Variants in ARAP2 observed in about 807,000 individuals in gnomAD.
ARAP2 encodes ArfGAP with RhoGAP domain, ankyrin repeat and PH domain 2.
A neutral mutation model predicts 194.5 loss-of-function variants in ARAP2; 148 were observed. The ratio of observed to expected loss-of-function variants is 0.76; its 90% CI spans 0.67 to 0.87. The LOEUF (loss-of-function observed/expected upper bound fraction) is 0.87. Among genes scored for constraint, ARAP2 ranks in the 40% least tolerant of loss-of-function variants. ARAP2 has a pLI of 0.00. For missense variants in ARAP2, 2,128 were observed against 1,989.7 expected (o/e 1.07, Z -1.32); for synonymous variants, 695 against 683.5 (o/e 1.02, Z -0.26).
At chr4:36,031,288 T>A (rs994234325) in intron 5 of ARAP2, among the ~76,000 whole-genome samples, 1 of 152,236 alleles carries the variant, frequency 6.6e-6, no homozygotes, top group African/African-American at 2.4e-5. Context: ...TTTGATAATA[T>A]CTTGTTGTCC....
At chr4:36,007,395 C>A (rs565613860) in intron 9 of ARAP2, among the ~76,000 whole-genome samples, 2 of 151,950 alleles carry the variant, frequency 1.3e-5, no homozygotes, top group African/African-American at 4.8e-5. Context: ...GAAACAGAGA[C>A]GACAGAGAGA....
chr4:36,127,209 C>T (rs1237868338), intron 21 of ARAP2, among the ~76,000 whole-genome samples: 1 of 152,066 alleles, frequency 6.6e-6, no homozygotes, highest in Non-Finnish European at 1.5e-5. Context: ...ATACTCTAAA[C>T]AGCTTCATAC....
In ARAP2 at chr4:36,071,691, T is replaced by A. The variant is rs4833055; in HGVS notation, c.4743+1998A>T. Among the ~76,000 whole-genome samples the A allele has an allele frequency of 0.016, 473 of 28,794 alleles. 3 individuals carry two copies. In the Middle Eastern group the frequency reaches 0.17, roughly 10 times the overall value. The allele number at this position is 28,794 out of a possible 152,430, so 18.9% of individuals were successfully genotyped here. A position where few individuals can be genotyped will look rare whatever the true frequency, so the allele number is the denominator to read the frequency against. Reference sequence around the variant, plus strand: ...CTTAATTTTTTTTTGAGTTTTTTTTTAATTTTTTTTCTTTTTTTTTTATTA... The same window carrying A: ...CTTAATTTTTTTTTGAGTTTTTTTTAAATTTTTTTTCTTTTTTTTTTATTA... On this transcript the variant is annotated intron_variant, in intron 32 of 32. Coordinates refer to ENST00000303965, the MANE Select transcript of ARAP2 (RefSeq NM_015230.4).
At chr4:36,064,737 T>C (rs531929067), downstream of ARAP2, among the ~76,000 whole-genome samples, 109 of 152,298 alleles carry the variant, frequency 7.2e-4, no homozygotes, top group Non-Finnish European at 1.2e-3. Flanking sequence ...CTGAAGTCCA[T>C]GGACCCAGGT....
intron 27 of ARAP2, among the ~76,000 whole-genome samples, chr4:36,104,966 G>A (rs963444766): frequency 2.0e-5 from 3 of 151,970 alleles, no homozygotes; most frequent in African/African-American, 7.2e-5. Flanking sequence ...AGTAGGGATA[G>A]TTCAGGGACA....
chr4:36,137,515 A>G (rs1363434365), intron 19 of ARAP2, among the ~76,000 whole-genome samples: 1 of 151,890 alleles, frequency 6.6e-6, no homozygotes, highest in Non-Finnish European at 1.5e-5. Flanking sequence ...ATGTAATTAG[A>G]AACAAATCAC....
At chr4:36,017,438 A>AAAC in intron 6 of ARAP2, among the ~76,000 whole-genome samples, 1 of 151,766 alleles carries the variant, frequency 6.6e-6, no homozygotes, top group South Asian at 2.1e-4. Flanking sequence ...AAACAGAGAA[A>AAAC]AACACACCAG....
In ARAP2 at chr4:36,210,489, G is replaced by A. The variant is rs1255187141; in HGVS notation, c.1388C>T (p.Ser463Leu). ...LSSTSGNADS[S>L]AVSSQAISPY... The stretch of plus-strand genomic sequence containing the variant: ...AGATATTGCCTGTGAAGAAACGGCT[G>A]ATGAATCAGCATTTCCACTTGTTGA... The change falls in exon 6 of 33, where the codon TCA becomes TTA. Residue 463 changes from serine to leucine, a missense_variant. By Grantham distance (145) the Ser-to-Leu change is moderately radical. Coordinates refer to ENST00000303965, the MANE Select transcript of ARAP2 (RefSeq NM_015230.4). 1.9e-6 allele frequency: 3 copies of A among 1,613,940 alleles called. No homozygotes were observed. Among genetic ancestry groups the A allele is most frequent in the Non-Finnish European group, 2.5e-6 (3 of 1,179,856 alleles).
rs181712511 is a variant in ARAP2, at chr4:36,072,110, T to A, written c.4743+1579A>T. Reference sequence around the variant, plus strand: ...TTTTCATGGTTTATATGAATTTTTTTAAAAAAATTTCTATTATTGCCTTAT... The same window carrying A: ...TTTTCATGGTTTATATGAATTTTTTAAAAAAAATTTCTATTATTGCCTTAT... On this transcript the variant is annotated intron_variant, in intron 32 of 32. Coordinates refer to ENST00000303965, the MANE Select transcript of ARAP2 (RefSeq NM_015230.4). Among the ~76,000 whole-genome samples, 521 of 152,210 alleles carry A rather than the reference T, an allele frequency of 3.4e-3. 9 individuals carry two copies. Among genetic ancestry groups the A allele is most frequent in the African/African-American group, 0.011 (452 of 41,576 alleles).
intron 8 of ARAP2, among the ~76,000 whole-genome samples, chr4:36,178,782 G>C (rs1252622765): frequency 6.6e-6 from 1 of 152,130 alleles, no homozygotes; most frequent in East Asian, 1.9e-4. Flanking sequence ...ATTTGCTGAA[G>C]GTCATATAGC....
intron 20 of ARAP2, among the ~76,000 whole-genome samples, chr4:36,129,284 A>C (rs1460522989): frequency 6.6e-6 from 1 of 151,898 alleles, no homozygotes; most frequent in Non-Finnish European, 1.5e-5. Context: ...TGACAATGAC[A>C]ATAATTCAAA....
chr4:36,198,394 C>T lies in ARAP2; in HGVS notation c.1488-4747G>A, dbSNP rs565149507. Reference sequence around the variant, plus strand: ...TCCTACTGTGGTCTGCAGGACTAGCCGGCCCCTAACCTTTAGGCCCTCCCT... The same window carrying T: ...TCCTACTGTGGTCTGCAGGACTAGCTGGCCCCTAACCTTTAGGCCCTCCCT... On this transcript the variant is annotated intron_variant, in intron 6 of 32. Coordinates refer to ENST00000303965, the MANE Select transcript of ARAP2 (RefSeq NM_015230.4). Among the ~76,000 whole-genome samples the T allele has an allele frequency of 8.5e-5, 13 of 152,324 alleles. No homozygotes were observed. The South Asian group carries it at 2.5e-3, about 29-fold the overall frequency.
intron 2 of ARAP2, among the ~76,000 whole-genome samples, chr4:36,226,516 C>A (rs1010235176): frequency 1.4e-4 from 21 of 152,044 alleles, no homozygotes; most frequent in African/African-American, 4.8e-4. Context: ...TAAGCCCCCC[C>A]CCACATAATT....
At chr4:36,197,584 C>A (rs1460541450) in intron 6 of ARAP2, among the ~76,000 whole-genome samples, 1 of 152,220 alleles carries the variant, frequency 6.6e-6, no homozygotes, top group Non-Finnish European at 1.5e-5. Context: ...TTTGTTCCAT[C>A]CATTTGGCTT....
chr4:36,120,813 T>C (rs1488625946), intron 23 of ARAP2, among the ~76,000 whole-genome samples: 2 of 151,694 alleles, frequency 1.3e-5, no homozygotes, highest in African/African-American at 4.8e-5. Context: ...CAAAGGGCTT[T>C]CAACTGCAGA....
chr4:36,225,673 G>C (rs552572861), intron 2 of ARAP2, among the ~76,000 whole-genome samples: 1 of 152,214 alleles, frequency 6.6e-6, no homozygotes, highest in Middle Eastern at 3.4e-3. Context: ...ATCAGATTCT[G>C]TTGAGAGGAA....
In ARAP2 at chr4:36,159,345, T is replaced by G; in HGVS notation, c.2603A>C (p.His868Pro). The change falls in exon 14 of 33, where the codon CAT (histidine) becomes CCT (proline). Residue 868 changes from histidine to proline, a missense_variant. Physicochemically the swap from His to Pro is moderately conservative, Grantham distance 77. Coordinates refer to ENST00000303965, the MANE Select transcript of ARAP2 (RefSeq NM_015230.4). ...CAGTGACGAACCTGAGAATTTGTTA[T>G]GGTAGAGAAATTCCATTTGCAGACT... ...GQSLQMEFLY[H>P]NKFSDFPQHD... The G allele has an allele frequency of 6.2e-7, 1 of 1,603,044 alleles. No individual in the cohort carries two copies. The highest frequency in any genetic ancestry group is 8.5e-7 in the Non-Finnish European group (1 of 1,173,456).
At chr4:36,022,046 CGTAA>C (rs1717041626) in intron 5 of ARAP2, among the ~76,000 whole-genome samples, 1 of 152,054 alleles carries the variant, frequency 6.6e-6, no homozygotes, top group South Asian at 2.1e-4. Flanking sequence ...GTAGCACAAC[CGTAA>C]GTGTTTGTGT....
At chr4:36,239,357 G>A (rs1753063209) in intron 1 of ARAP2, among the ~76,000 whole-genome samples, 1 of 152,098 alleles carries the variant, frequency 6.6e-6, no homozygotes, top group African/African-American at 2.4e-5. Flanking sequence ...AAGTAGATAA[G>A]GAGTGGAAGC....
Sources: gnomAD v4.1 joint callset for allele counts (sites outside exome capture counted in the v4.1 genomes callset) on GRCh38, gnomAD v4.1.1 for gene constraint, MANE v1.5 for transcripts, NCBI Gene and HGNC (gene_info 2026-07-23, HGNC 2026-07-21) for gene names.